Variants in MYLK4 observed in about 807,000 individuals in gnomAD.
The protein encoded by MYLK4 is caMLCK like.
In MYLK4, 46 loss-of-function variants were observed where a neutral mutation model predicts 48.1. The observed-to-expected ratio is 0.96, with a 90% confidence interval of 0.75 to 1.22. The LOEUF (loss-of-function observed/expected upper bound fraction) is 1.22, where lower values mean the gene tolerates loss of function less well. Among genes scored for constraint, MYLK4 ranks in the 50% most tolerant of loss-of-function variants. The pLI, the probability that MYLK4 is intolerant of heterozygous loss-of-function variation, is 0.00. For synonymous variants in MYLK4, 170 were observed against 180.8 expected (o/e 0.94, Z 0.48); for missense variants, 451 against 486.1 (o/e 0.93, Z 0.68).
chr6:2,762,559 T>G, the MYLK4 span, among the ~76,000 whole-genome samples: 5 of 152,258 alleles, frequency 3.3e-5, no homozygotes, highest in Non-Finnish European at 5.9e-5. Context: ...TTAGTAACAC[T>G]TTTCTTGAAA....
At chr6:2,719,101 A>G (rs1015789309) in intron 2 of MYLK4, among the ~76,000 whole-genome samples, 15 of 152,190 alleles carry the variant, frequency 9.9e-5, no homozygotes, top group African/African-American at 3.6e-4. Flanking sequence ...ATTTTGAACA[A>G]AAGTCCTAGG....
chr6:2,699,282 C>CT (rs1762184790), intron 2 of MYLK4, among the ~76,000 whole-genome samples: 3 of 63,566 alleles, frequency 4.7e-5, no homozygotes, highest in African/African-American at 1.8e-4. Flanking sequence ...CTTTTCTTTT[C>CT]TTTTCTTTTT....
intron 2 of MYLK4, chr6:2,743,914 A>G (rs1271301607): frequency 2.5e-6 from 1 of 398,560 alleles, no homozygotes; most frequent in Non-Finnish European, 4.4e-6. Context: ...CCTCAAGAGC[A>G]GGAGTCTGCC....
the MYLK4 span, chr6:2,765,402 G>C: frequency 2.4e-6 from 1 of 419,558 alleles, no homozygotes. Flanking sequence ...TACACTTCCC[G>C]ACACGCCGCG....
chr6:2,762,791 G>A, the MYLK4 span, among the ~76,000 whole-genome samples: 289 of 152,202 alleles, frequency 1.9e-3, no homozygotes, highest in African/African-American at 6.6e-3. Context: ...AAATCAACTG[G>A]CAGACCTTCC....
At chr6:2,668,771 T>A (rs34996268) in intron 12 of MYLK4, among the ~76,000 whole-genome samples, 9,266 of 152,264 alleles carry the variant, frequency 0.061, 323 homozygotes, top group Middle Eastern at 0.078. Context: ...TTATTTATTT[T>A]TTTAAGTAAG....
the MYLK4 span, chr6:2,765,852 G>A: frequency 1.4e-6 from 2 of 1,422,454 alleles, no homozygotes; most frequent in Admixed American, 2.6e-5. Flanking sequence ...CTGTCGGAGA[G>A]CTCGGCGCTG....
chr6:2,679,569 C>G, intron 8 of MYLK4, 161 bp from the exon 9 acceptor site: 1 of 934,078 alleles, frequency 1.1e-6, no homozygotes, highest in African/African-American at 1.6e-5. Flanking sequence ...GGCTCAAAAA[C>G]TTGTAAAGAG....
chr6:2,745,282 T>C (rs1361010519), intron 2 of MYLK4, among the ~76,000 whole-genome samples: 2 of 152,192 alleles, frequency 1.3e-5, no homozygotes, highest in African/African-American at 4.8e-5. Context: ...GGCTATTTAC[T>C]ATATAGATAA....
At chr6:2,714,448 T>A (rs917725144) in intron 2 of MYLK4, among the ~76,000 whole-genome samples, 4 of 152,258 alleles carry the variant, frequency 2.6e-5, no homozygotes, top group Non-Finnish European at 5.9e-5. Context: ...GCACTGCCTA[T>A]GAGTCAGCCC....
chr6:2,734,625 TACAC>T (rs1763602822), intron 2 of MYLK4, among the ~76,000 whole-genome samples: 1 of 152,138 alleles, frequency 6.6e-6, no homozygotes, highest in Non-Finnish European at 1.5e-5. Context: ...TATACACTCA[TACAC>T]ATATACATAT....
At chr6:2,725,064 T>A (rs1373818755) in intron 2 of MYLK4, among the ~76,000 whole-genome samples, 1 of 152,126 alleles carries the variant, frequency 6.6e-6, no homozygotes, top group African/African-American at 2.4e-5. Flanking sequence ...GGCAGAAGAA[T>A]CACTTGAACC....
At chr6:2,704,612 T>C (rs987003719) in intron 2 of MYLK4, among the ~76,000 whole-genome samples, 1 of 152,238 alleles carries the variant, frequency 6.6e-6, no homozygotes, top group African/African-American at 2.4e-5. Flanking sequence ...TGCTTTAACA[T>C]GTTTGCCCAG....
At chr6:2,758,988 CTAT>C in the MYLK4 span, among the ~76,000 whole-genome samples, 179 of 152,316 alleles carry the variant, frequency 1.2e-3, 1 homozygote, top group Non-Finnish European at 1.9e-3. Context: ...CCCACCAGCA[CTAT>C]AAGAATTCTC....
At position 2,710,699 on chromosome 6, in the gene MYLK4, G is replaced by A. The variant is rs1199164664; in HGVS notation, c.160-17840C>T. On this transcript the variant is annotated intron_variant, in intron 2 of 12. Coordinates refer to ENST00000274643, the MANE Select transcript of MYLK4 (RefSeq NM_001012418.5). ...CAAATAAAGCCTTCTTCCCTGGCAA[G>A]ACTCAAAATCTCAGTGACAGGCTTT... is the stretch of plus-strand genomic sequence containing the variant. Among the ~76,000 whole-genome samples the A allele has an allele frequency of 2.6e-5, 4 of 152,158 alleles. No individual in the cohort carries two copies. In the East Asian group the frequency reaches 7.7e-4, roughly 29 times the overall value.
At chr6:2,740,120 T>C (rs79627215) in intron 2 of MYLK4, among the ~76,000 whole-genome samples, 3,629 of 152,308 alleles carry the variant, frequency 0.024, 151 homozygotes, top group African/African-American at 0.081. Flanking sequence ...CCAGCTCTTT[T>C]GCATGTGGGT....
intron 10 of MYLK4, 40 bp downstream of exon 10, chr6:2,678,180 A>G: frequency 6.2e-7 from 1 of 1,600,894 alleles, no homozygotes; most frequent in Non-Finnish European, 8.5e-7. Context: ...CTTCCTTATC[A>G]TCCCTACTGC....
intron 2 of MYLK4, among the ~76,000 whole-genome samples, chr6:2,703,976 A>G (rs1382199875): frequency 6.6e-6 from 1 of 151,926 alleles, no homozygotes; most frequent in African/African-American, 2.4e-5. Context: ...CTCCCCTCCC[A>G]TATGTTCTAC....
chr6:2,764,411 C>T, the MYLK4 span, among the ~76,000 whole-genome samples: 22 of 152,230 alleles, frequency 1.4e-4, no homozygotes, highest in East Asian at 3.7e-3. Context: ...ACGAGTGAGA[C>T]CCTCAATGTG....
Sources: allele counts gnomAD v4.1 joint callset (sites outside exome capture counted in the v4.1 genomes callset), GRCh38; gene constraint gnomAD v4.1.1; transcripts MANE v1.5; gene names NCBI Gene and HGNC (gene_info 2026-07-23, HGNC 2026-07-21).